Variants in BACH1 observed in about 807,000 individuals in gnomAD.
BACH1 encodes BTB domain and CNC homolog 1, also known as transcription regulator protein BACH1.
In BACH1, 35 loss-of-function variants were observed where a neutral mutation model predicts 52.9. The ratio of observed to expected loss-of-function variants is 0.66; its 90% CI spans 0.51 to 0.88. The LOEUF is 0.88. BACH1 is among the 40% of genes least tolerant of loss of function. The probability of loss-of-function intolerance (pLI) is 0.00; values close to 1 mark genes in which losing one functional copy is unlikely to be tolerated. For missense variants in BACH1, 808 were observed against 872.6 expected (o/e 0.93, Z 0.93); for synonymous variants, 321 against 319.6 (o/e 1.00, Z -0.05).
rs1045077345 is a variant in BACH1 at position 29,343,734 on chromosome 21, G to T, written c.*901G>T. The T allele has an allele frequency of 2.0e-5, 3 of 152,144 alleles. No homozygotes were observed. The highest frequency in any genetic ancestry group is 7.2e-5 in the African/African-American group (3 of 41,440). The allele number at this position is 152,144 out of a possible 1,614,324, so 9.4% of individuals were successfully genotyped here. A position where few individuals can be genotyped will look rare whatever the true frequency, so the allele number is the denominator to read the frequency against. ...AAAGCTGTTCATTTTTCCACCGTGG[G>T]TCACCAATGCCAGAAAACCAGACAT... On this transcript the variant is annotated 3_prime_UTR_variant, in exon 5 of 5. Coordinates refer to ENST00000286800, the MANE Select transcript of BACH1 (RefSeq NM_001186.4).
At chr21:29,331,097 G>T (rs543591406) in intron 4 of BACH1, among the ~76,000 whole-genome samples, 2 of 152,090 alleles carry the variant, frequency 1.3e-5, no homozygotes, top group Non-Finnish European at 2.9e-5. Flanking sequence ...ATAAACACTG[G>T]TGTTCTTTCT....
intron 1 of BACH1, among the ~76,000 whole-genome samples, chr21:29,310,064 T>C (rs1247314315): frequency 3.9e-5 from 6 of 152,226 alleles, no homozygotes; most frequent in Admixed American, 3.9e-4. Context: ...CTATAAAATT[T>C]AATTTATTCT....
chr21:29,334,871 T>G (rs1219192787), intron 4 of BACH1, among the ~76,000 whole-genome samples: 1 of 152,200 alleles, frequency 6.6e-6, no homozygotes, highest in African/African-American at 2.4e-5. Context: ...TAGTCACAAT[T>G]TACTGGCTGC....
intron 2 of BACH1, among the ~76,000 whole-genome samples, chr21:29,357,660 G>A (rs2089243083): frequency 1.3e-5 from 2 of 152,142 alleles, no homozygotes; most frequent in South Asian, 2.1e-4. Context: ...CCAGCCTTTC[G>A]CTACTACATC....
chr21:29,338,125 T>C (rs1288136893), intron 4 of BACH1, among the ~76,000 whole-genome samples: 1 of 152,182 alleles, frequency 6.6e-6, no homozygotes, highest in Non-Finnish European at 1.5e-5. Context: ...GGACCTGGTG[T>C]GCGTTGTTTC....
At chr21:29,305,783 G>A (rs983128474) in intron 1 of BACH1, among the ~76,000 whole-genome samples, 3 of 152,212 alleles carry the variant, frequency 2.0e-5, no homozygotes, top group Non-Finnish European at 2.9e-5. Context: ...GTGGACAGTA[G>A]GGTTGCTAAA....
intron 4 of BACH1, among the ~76,000 whole-genome samples, chr21:29,338,963 A>G (rs1038508833): frequency 2.0e-5 from 3 of 152,120 alleles, no homozygotes; most frequent in African/African-American, 7.2e-5. Context: ...GATTTATAGG[A>G]AATATTTTTT....
chr21:29,324,966 C>T lies in BACH1; in HGVS notation c.235-1093C>T, dbSNP rs543382796. On this transcript the variant is annotated intron_variant, in intron 2 of 4. Coordinates refer to ENST00000286800, the MANE Select transcript of BACH1 (RefSeq NM_001186.4). ...GATCACAGCCGGGCGCGGTGGCTCA[C>T]GCCTGTAATCCCAGCACTTTGGGAG... Among the ~76,000 whole-genome samples the T allele has an allele frequency of 5.9e-5, 9 of 152,212 alleles. No individual in the cohort carries two copies. The South Asian group carries it at 6.2e-4, about 11-fold the overall frequency.
At chr21:29,322,570 A>G (rs1483247270) in intron 2 of BACH1, among the ~76,000 whole-genome samples, 1 of 152,210 alleles carries the variant, frequency 6.6e-6, no homozygotes, top group Non-Finnish European at 1.5e-5. Context: ...CTACTAGCAG[A>G]GTATCAAGGC....
At chr21:29,335,463 A>C (rs1297369066) in intron 4 of BACH1, among the ~76,000 whole-genome samples, 1 of 152,162 alleles carries the variant, frequency 6.6e-6, no homozygotes, top group Non-Finnish European at 1.5e-5. Context: ...GAAATGAGTA[A>C]GACAGAATCC....
intron 1 of BACH1, chr21:29,300,934 T>A (rs2088596421): frequency 1.3e-5 from 2 of 152,248 alleles, no homozygotes; most frequent in African/African-American, 2.4e-5. Flanking sequence ...ATTGTCTTGA[T>A]TATATGACAC....
intron 4 of BACH1, among the ~76,000 whole-genome samples, chr21:29,335,752 C>G (rs1015300950): frequency 2.6e-5 from 4 of 152,212 alleles, no homozygotes; most frequent in African/African-American, 9.7e-5. Flanking sequence ...GCACCTCTAT[C>G]TCCGTCTATC....
Position 29,342,839 on chromosome 21 carries a change from C to A in BACH1, c.*6C>A. 1 of 1,567,680 alleles carries A rather than the reference C, an allele frequency of 6.4e-7. No homozygotes were observed. The highest frequency in any genetic ancestry group is 1.2e-5 in the South Asian group (1 of 86,296). ...AATGTACTACTGATGAGTAAACTTG[C>A]ATTCACTTCCTTCAAACCATCTAAT... is the stretch of plus-strand genomic sequence containing the variant. On this transcript the variant is annotated 3_prime_UTR_variant, in exon 5 of 5. Coordinates refer to ENST00000286800, the MANE Select transcript of BACH1 (RefSeq NM_001186.4).
At chr21:29,334,330 C>T (rs969370628) in intron 4 of BACH1, among the ~76,000 whole-genome samples, 1 of 151,732 alleles carries the variant, frequency 6.6e-6, no homozygotes, top group African/African-American at 2.4e-5. Flanking sequence ...GATCTCCTGA[C>T]CTCTTGATCC....
intron 1 of BACH1, among the ~76,000 whole-genome samples, chr21:29,314,963 C>T (rs932443261): frequency 2.0e-5 from 3 of 152,140 alleles, no homozygotes; most frequent in East Asian, 1.9e-4. Context: ...GCAGGTGAGT[C>T]GGGTCTTAGG....
chr21:29,310,607 A>G (rs535890152), intron 1 of BACH1, among the ~76,000 whole-genome samples: 2 of 152,244 alleles, frequency 1.3e-5, no homozygotes, highest in African/African-American at 4.8e-5. Context: ...GTGGGTCCAG[A>G]TGTGTTCACC....
intron 3 of BACH1, among the ~76,000 whole-genome samples, chr21:29,328,885 T>C (rs1361427791): frequency 6.6e-6 from 1 of 152,250 alleles, no homozygotes. Context: ...AGGATTTCCT[T>C]CTTTTTATCA....
intron 1 of BACH1, among the ~76,000 whole-genome samples, chr21:29,304,775 G>A (rs987506513): frequency 5.3e-5 from 8 of 152,096 alleles, no homozygotes; most frequent in African/African-American, 1.9e-4. Context: ...GAAATAGGGC[G>A]ACCTATCCAC....
chr21:29,357,474 A>G (rs1051573783), intron 2 of BACH1, among the ~76,000 whole-genome samples: 3 of 152,196 alleles, frequency 2.0e-5, no homozygotes, highest in South Asian at 4.1e-4. Context: ...CAGTCCCTCA[A>G]TGAGTAGCGC....
Sources: allele counts gnomAD v4.1 joint callset (sites outside exome capture counted in the v4.1 genomes callset), GRCh38; gene constraint gnomAD v4.1.1; transcripts MANE v1.5; gene names NCBI Gene and HGNC (gene_info 2026-07-23, HGNC 2026-07-21).